The following RANBP2 variants were observed in gnomAD, a reference collection of about 807,000 sequenced individuals.
RANBP2 encodes E3 SUMO-protein ligase RanBP2.
In RANBP2, 57 loss-of-function variants were observed where a neutral mutation model predicts 303.6. The observed-to-expected ratio is 0.19, with a 90% CI of 0.15 to 0.23. The LOEUF is 0.23. Among genes scored for constraint, RANBP2 ranks in the 10% least tolerant of loss-of-function variants. RANBP2 has a pLI of 1.00. For missense variants in RANBP2, 3,138 were observed against 3,780.8 expected, an observed-to-expected ratio of 0.83 and a Z score of 4.46; for synonymous variants, 1,167 against 1,301.5, an observed-to-expected ratio of 0.90 and a Z score of 2.23.
At chr2:109,051,434 C>T in the RANBP2 span, among the ~76,000 whole-genome samples, 14 of 152,188 alleles carry the variant, frequency 9.2e-5, no homozygotes, top group Admixed American at 9.2e-4. Flanking sequence ...ATTTCTCCAC[C>T]TCCTTATACC....
At chr2:109,656,385 T>C in the RANBP2 span, among the ~76,000 whole-genome samples, 1 of 152,256 alleles carries the variant, frequency 6.6e-6, no homozygotes, top group Non-Finnish European at 1.5e-5. Flanking sequence ...TCACCCAGGC[T>C]GGAGTGAAGT....
At chr2:108,885,539 T>C in the RANBP2 span, 1 of 152,382 alleles carries the variant, frequency 6.6e-6, no homozygotes, top group East Asian at 1.9e-4. Context: ...ACCAGACTTT[T>C]TATTTTTTAT....
At chr2:108,829,843 C>G in the RANBP2 span, among the ~76,000 whole-genome samples, 2 of 152,152 alleles carry the variant, frequency 1.3e-5, no homozygotes, top group Non-Finnish European at 2.9e-5. Flanking sequence ...ATGTAAAATG[C>G]AGCTGCTGTG....
the RANBP2 span, among the ~76,000 whole-genome samples, chr2:109,056,974 A>G: frequency 2.6e-5 from 4 of 152,196 alleles, no homozygotes; most frequent in African/African-American, 7.2e-5. Flanking sequence ...AGAAAATTGC[A>G]ATGTTCCTGT....
chr2:109,459,169 G>A, the RANBP2 span, among the ~76,000 whole-genome samples: 5 of 152,190 alleles, frequency 3.3e-5, no homozygotes, highest in African/African-American at 1.2e-4. Flanking sequence ...ATCATATAAA[G>A]TCAGTGCAAC....
the RANBP2 span, among the ~76,000 whole-genome samples, chr2:109,069,315 G>A: frequency 6.6e-6 from 1 of 152,210 alleles, no homozygotes; most frequent in African/African-American, 2.4e-5. Flanking sequence ...TTGGACACAT[G>A]GAATTTTGCA....
the RANBP2 span, among the ~76,000 whole-genome samples, chr2:109,123,493 G>T: frequency 6.6e-6 from 1 of 151,778 alleles, no homozygotes; most frequent in African/African-American, 2.4e-5. Flanking sequence ...TCTTCCTGCT[G>T]CCTATATGCG....
the RANBP2 span, among the ~76,000 whole-genome samples, chr2:109,141,119 A>G: frequency 6.6e-6 from 1 of 152,176 alleles, no homozygotes; most frequent in Non-Finnish European, 1.5e-5. Context: ...GACTTCATCC[A>G]GGTGGAAAGA....
chr2:109,675,461 G>T, the RANBP2 span, among the ~76,000 whole-genome samples: 36,529 of 152,166 alleles, frequency 0.24, 4,815 homozygotes, highest in Admixed American at 0.31. Flanking sequence ...GCAAGTGGAT[G>T]GTCTGAGGTC....
At chr2:108,800,979 A>G in the RANBP2 span, among the ~76,000 whole-genome samples, 2 of 77,798 alleles carry the variant, frequency 2.6e-5, 1 homozygote, top group Non-Finnish European at 5.6e-5. Context: ...ATGGCTGCAT[A>G]GTATTCCATG....
chr2:109,039,110 G>GGAAGACTTTAAAAGC, the RANBP2 span, among the ~76,000 whole-genome samples: 2 of 152,138 alleles, frequency 1.3e-5, no homozygotes, highest in Non-Finnish European at 2.9e-5. Context: ...TCCAATCAAT[G>GGAAGACTTTAAAAGC]GAAGACTTTA....
chr2:109,338,490 A>G, the RANBP2 span, among the ~76,000 whole-genome samples: 1 of 151,702 alleles, frequency 6.6e-6, no homozygotes, highest in Non-Finnish European at 1.5e-5. Flanking sequence ...TTTGTATTAC[A>G]CTTGACCCTT....
the RANBP2 span, among the ~76,000 whole-genome samples, chr2:109,007,773 T>C: frequency 1.3e-5 from 2 of 152,230 alleles, no homozygotes; most frequent in Non-Finnish European, 2.9e-5. Flanking sequence ...TGGACATCTT[T>C]TCTGTGCGTT....
Position 108,772,886 on chromosome 2 carries a change from T to C in RANBP2, c.8132T>C (p.Ile2711Thr). 6.2e-7 allele frequency: 1 copy of C among 1,613,956 alleles called. No homozygotes were observed. The change falls in exon 23 of 29, where the codon ATT becomes ACT. Residue 2711 changes from isoleucine to threonine, a missense_variant. Around this residue, in one of 20 missense-constraint regions of RANBP2, gnomAD observed 497 missense variants for 465.8 expected, o/e 1.07. Transcript: ENST00000283195. ...ENTADNEKEC[I>T]IVWEKKPTVE... ...TTTTCAGATAATGAGAAAGAATGTA[T>C]TATTGTTTGGGAAAAGAAACCAACA...
chr2:109,542,809 C>T, the RANBP2 span, among the ~76,000 whole-genome samples: 5 of 152,300 alleles, frequency 3.3e-5, no homozygotes, highest in East Asian at 9.6e-4. Flanking sequence ...TTGTGCTATG[C>T]AAGGTTTTAT....
the RANBP2 span, among the ~76,000 whole-genome samples, chr2:109,482,719 A>C: frequency 2.0e-4 from 30 of 151,782 alleles, no homozygotes; most frequent in African/African-American, 7.0e-4. Context: ...CCCTGCCTGC[A>C]CCTCCGGCTG....
Position 108,768,098 on chromosome 2 carries a change from C to A in RANBP2, c.7559C>A (p.Ser2520Tyr). The stretch of plus-strand genomic sequence containing the variant: ...CCAAAGTTTGTATTTGGTTCAGAGT[C>A]TGTTAAAAGCATTTTTAGTAGTGAA... ...SPPKFVFGSE[S>Y]VKSIFSSEKS... The change falls in exon 20 of 29, where the codon TCT becomes TAT. Residue 2520 changes from serine (S) to tyrosine (Y), a missense_variant. By Grantham distance (144) the Ser-to-Tyr change is moderately radical. Coordinates refer to ENST00000283195, the MANE Select transcript of RANBP2 (RefSeq NM_006267.5). The A allele has an allele frequency of 6.2e-7, 1 of 1,612,034 alleles. No individual in the cohort carries two copies. The highest frequency in any genetic ancestry group is 8.5e-7 in the Non-Finnish European group (1 of 1,179,866).
the RANBP2 span, among the ~76,000 whole-genome samples, chr2:109,710,209 C>T: frequency 6.6e-6 from 1 of 151,746 alleles, no homozygotes; most frequent in African/African-American, 2.4e-5. Context: ...CGGTGAAAAC[C>T]CATCTCTACT....
chr2:109,162,185 C>A, the RANBP2 span, among the ~76,000 whole-genome samples: 1 of 152,170 alleles, frequency 6.6e-6, no homozygotes, highest in East Asian at 1.9e-4. Flanking sequence ...AGGACAGATA[C>A]CATGGACCTT....
Sources: gnomAD v4.1 joint callset for allele counts (sites outside exome capture counted in the v4.1 genomes callset) on GRCh38, gnomAD v4.1.1 for gene constraint, gnomAD v4.1.1 regional missense constraint, MANE v1.5 for transcripts, NCBI Gene and HGNC (gene_info 2026-07-23, HGNC 2026-07-21) for gene names.